GABBR2: variants seen among roughly 807,000 people sequenced by gnomAD.
The protein encoded by GABBR2 is gamma-aminobutyric acid type B receptor subunit 2.
A neutral mutation model predicts 105.6 loss-of-function variants in GABBR2; 23 were observed. That is an observed-to-expected ratio of 0.22 (90% CI 0.16 to 0.31). GABBR2 has a LOEUF of 0.31. Among genes scored for constraint, GABBR2 ranks in the 10% least tolerant of loss-of-function variants. The pLI is 1.00. For missense variants in GABBR2, 734 were observed against 1,245.5 expected (o/e 0.59, Z 6.18); for synonymous variants, 478 against 499.7 (o/e 0.96, Z 0.58).
In GABBR2 at chr9:98,303,258, G is replaced by A. The variant is rs1385823880; in HGVS notation, c.2395C>T (p.Arg799Ter). 6.2e-7 allele frequency: 1 copy of A among 1,614,030 alleles called. No individual in the cohort carries two copies. The change falls in exon 16 of 19, where the codon CGA (arginine) becomes TGA (stop). Residue 799 changes from arginine (R) to a stop codon, truncating the protein, a stop_gained. Transcript: ENST00000259455. LOFTEE classifies it high-confidence loss of function. ...EGLQSENHRL[R>*]MKITELDKDL... ...GGAGGTACCTCTGTGATCTTCATTC[G>A]CAGGCGATGGTTTTCTGACTGTAGG... is the stretch of plus-strand genomic sequence containing the variant.
intron 13 of GABBR2, among the ~76,000 whole-genome samples, chr9:98,345,107 G>A (rs1005292462): frequency 9.2e-5 from 14 of 152,016 alleles, no homozygotes; most frequent in South Asian, 2.1e-4. Flanking sequence ...ACCACGTCTC[G>A]TCATGTCTGC....
intron 1 of GABBR2, among the ~76,000 whole-genome samples, chr9:98,686,761 G>C (rs1461539890): frequency 6.6e-6 from 1 of 152,004 alleles, no homozygotes; most frequent in African/African-American, 2.4e-5. Flanking sequence ...CACAAACCCT[G>C]CCCCTTGTCC....
intron 11 of GABBR2, among the ~76,000 whole-genome samples, chr9:98,379,450 G>C (rs996864331): frequency 1.3e-5 from 2 of 152,110 alleles, no homozygotes; most frequent in African/African-American, 4.8e-5. Flanking sequence ...TGTATTTTTA[G>C]TAGAGATGGG....
intron 3 of GABBR2, among the ~76,000 whole-genome samples, chr9:98,535,276 T>C (rs1828152652): frequency 6.6e-6 from 1 of 152,096 alleles, no homozygotes; most frequent in African/African-American, 2.4e-5. Flanking sequence ...TTTTTTTGTA[T>C]TTTTAGTAGA....
intron 3 of GABBR2, among the ~76,000 whole-genome samples, chr9:98,518,237 G>A (rs1298416010): frequency 6.6e-6 from 1 of 152,162 alleles, no homozygotes; most frequent in Non-Finnish European, 1.5e-5. Context: ...TGGTTCCATT[G>A]CCTCTGCCTA....
intron 7 of GABBR2, among the ~76,000 whole-genome samples, chr9:98,413,697 G>A (rs1588147725): frequency 6.6e-6 from 1 of 152,178 alleles, no homozygotes; most frequent in Non-Finnish European, 1.5e-5. Context: ...ATCTTTCTGA[G>A]GGACCATAAC....
chr9:98,605,514 G>A (rs1003742884), intron 1 of GABBR2, among the ~76,000 whole-genome samples: 3 of 152,310 alleles, frequency 2.0e-5, no homozygotes, highest in East Asian at 1.9e-4. Context: ...GCTTGAGGTC[G>A]GCAATCACCG....
chr9:98,413,802 G>GAA (rs1225804429), intron 7 of GABBR2, among the ~76,000 whole-genome samples: 1 of 152,240 alleles, frequency 6.6e-6, no homozygotes, highest in African/African-American at 2.4e-5. Context: ...GGGACCTAGA[G>GAA]AAGATGGCTG....
At chr9:98,333,764 T>C (rs1831068067) in intron 13 of GABBR2, among the ~76,000 whole-genome samples, 1 of 152,218 alleles carries the variant, frequency 6.6e-6, no homozygotes, top group Non-Finnish European at 1.5e-5. Flanking sequence ...TACACTAACC[T>C]AACTTCACAC....
intron 1 of GABBR2, among the ~76,000 whole-genome samples, chr9:98,626,439 A>T (rs1198885937): frequency 6.6e-6 from 1 of 152,186 alleles, no homozygotes; most frequent in Admixed American, 6.5e-5. Context: ...TTATTTTTTT[A>T]AAAAGGATAA....
chr9:98,369,141 A>G (rs2131457674), intron 12 of GABBR2, among the ~76,000 whole-genome samples: 1 of 152,330 alleles, frequency 6.6e-6, no homozygotes, highest in East Asian at 1.9e-4. Context: ...GCCACAGCTG[A>G]GGAACACTGG....
intron 9 of GABBR2, among the ~76,000 whole-genome samples, chr9:98,391,225 C>A (rs1832174850): frequency 6.6e-6 from 1 of 152,196 alleles, no homozygotes; most frequent in Admixed American, 6.5e-5. Context: ...GAAAAAAGCA[C>A]TAATAAGCAA....
At chr9:98,554,593 A>C (rs1828554067) in intron 2 of GABBR2, among the ~76,000 whole-genome samples, 1 of 152,200 alleles carries the variant, frequency 6.6e-6, no homozygotes, top group East Asian at 1.9e-4. Context: ...GATACTTTTA[A>C]AGAATAATAG....
At chr9:98,327,404 G>T (rs1830942469) in intron 13 of GABBR2, among the ~76,000 whole-genome samples, 3 of 151,854 alleles carry the variant, frequency 2.0e-5, no homozygotes, top group Non-Finnish European at 2.9e-5. Flanking sequence ...AGCACTTCCT[G>T]AATTCAACTC....
At chr9:98,539,167 C>T (rs1420609428) in intron 3 of GABBR2, among the ~76,000 whole-genome samples, 1 of 152,196 alleles carries the variant, frequency 6.6e-6, no homozygotes. Context: ...CAGCATGCGC[C>T]CTGGGGCAAG....
chr9:98,510,288 A>C (rs1331687520), intron 3 of GABBR2, among the ~76,000 whole-genome samples: 1 of 152,360 alleles, frequency 6.6e-6, no homozygotes, highest in African/African-American at 2.4e-5. Context: ...CATGGAAAGG[A>C]ACAACTGGTA....
intron 13 of GABBR2, among the ~76,000 whole-genome samples, chr9:98,324,841 G>A (rs903043049): frequency 1.4e-4 from 21 of 152,024 alleles, no homozygotes; most frequent in African/African-American, 4.6e-4. Context: ...AGGATGCTCC[G>A]ATTTCATTAT....
At chr9:98,665,553 G>T (rs1830322905) in intron 1 of GABBR2, among the ~76,000 whole-genome samples, 1 of 152,128 alleles carries the variant, frequency 6.6e-6, no homozygotes, top group Non-Finnish European at 1.5e-5. Context: ...AGACCCTATA[G>T]TACTAGAGGA....
chr9:98,491,451 G>A (rs1827174778), intron 4 of GABBR2, among the ~76,000 whole-genome samples: 7 of 152,222 alleles, frequency 4.6e-5, no homozygotes, highest in Admixed American at 4.6e-4. Context: ...TATGTGGTCT[G>A]CACTGATCTG....
Sources: gnomAD v4.1 joint callset for allele counts (sites outside exome capture counted in the v4.1 genomes callset) on GRCh38, gnomAD v4.1.1 for gene constraint, MANE v1.5 for transcripts, NCBI Gene and HGNC (gene_info 2026-07-23, HGNC 2026-07-21) for gene names.